LIMCH1: variants seen among roughly 807,000 people sequenced by gnomAD.
LIMCH1 encodes the protein LIM and calponin homology domains-containing protein 1.
A neutral mutation model predicts 176.5 loss-of-function variants in LIMCH1; 113 were observed. That is an observed-to-expected ratio of 0.64 (90% CI 0.55 to 0.75). The LOEUF is 0.75. Ranked by LOEUF, LIMCH1 falls within the 30% of genes least tolerant of loss-of-function variation. The pLI is 0.00. For synonymous variants in LIMCH1, 619 were observed against 645.9 expected (o/e 0.96, Z 0.63); for missense variants, 1,674 against 1,814.9 (o/e 0.92, Z 1.41).
chr4:41,626,601 A>G, intron 7 of LIMCH1, 107 bp from the exon 8 acceptor site: 1 of 887,378 alleles, frequency 1.1e-6, no homozygotes, highest in Non-Finnish European at 1.7e-6. Context: ...TGAACTAACA[A>G]TATCGAGAAG....
In LIMCH1 at chr4:41,697,346, A is replaced by G. The variant is rs1435935563; in HGVS notation, c.*161A>G. 3 of 504,828 alleles carry G rather than the reference A, an allele frequency of 5.9e-6. No homozygotes were observed. The highest frequency in any genetic ancestry group is 1.1e-5 in the Non-Finnish European group (3 of 285,528). The allele number at this position is 504,828 out of a possible 1,614,324, so 31.3% of individuals were successfully genotyped here. A position where few individuals can be genotyped will look rare whatever the true frequency, so the allele number is the denominator to read the frequency against. On this transcript the variant is annotated 3_prime_UTR_variant, in exon 32 of 32. Transcript: ENST00000503057. ...TCTGTTCTTTCGTAGCACAGTGTTT[A>G]TGTTTTTCCTGTTTATTGTTTTGGT...
At chr4:41,471,334 G>C (rs1350262864) in intron 1 of LIMCH1, among the ~76,000 whole-genome samples, 1 of 152,182 alleles carries the variant, frequency 6.6e-6, no homozygotes, top group Admixed American at 6.5e-5. Flanking sequence ...GACTCACCTT[G>C]AACTGATTTT....
At chr4:41,669,772 G>T (rs1469307232) in intron 21 of LIMCH1, among the ~76,000 whole-genome samples, 1 of 152,192 alleles carries the variant, frequency 6.6e-6, no homozygotes, top group African/African-American at 2.4e-5. Context: ...ATGGGGAAAT[G>T]GGGGAGGCAT....
At chr4:41,560,236 T>G (rs1318552483) in intron 1 of LIMCH1, among the ~76,000 whole-genome samples, 2 of 152,122 alleles carry the variant, frequency 1.3e-5, no homozygotes, top group African/African-American at 4.8e-5. Flanking sequence ...AAGTCCACAC[T>G]CTCTCACACA....
chr4:41,479,773 G>T lies in LIMCH1; in HGVS notation c.97-14763G>T, dbSNP rs1254912869. On this transcript the variant is annotated intron_variant, in intron 1 of 26. Transcript: ENST00000313860. ...CATGACATCAACTTTTTGAAGTCCA[G>T]TTCTCTTATACAATGTGTCATTTTT... is the stretch of plus-strand genomic sequence containing the variant. Among the ~76,000 whole-genome samples the T allele has an allele frequency of 2.6e-5, 4 of 152,126 alleles. No individual in the cohort carries two copies. In the East Asian group the frequency reaches 7.7e-4, roughly 29 times the overall value.
At chr4:41,581,146 C>CTATCTATCTATCT (rs5857802) in intron 1 of LIMCH1, among the ~76,000 whole-genome samples, 3,470 of 148,432 alleles carry the variant, frequency 0.023, 63 homozygotes, top group African/African-American at 0.049. Flanking sequence ...ATCTATCTAT[C>CTATCTATCTATCT]ATCTAATCAA....
rs149668957 is a variant in LIMCH1 at position 41,644,595 on chromosome 4, A to G, written c.2222A>G (p.Gln741Arg). ...GAGCAGCTGCAGCTGATAAATAACC[A>G]GCTGAGGGAAGAGGACGACAAATGG... ...RQEQLQLINN[Q>R]LREEDDKWQD... is the part of the protein sequence containing the mutation. The change falls in exon 15 of 32, where the codon CAG becomes CGG. Residue 741 changes from glutamine to arginine, a missense_variant. This residue lies in a region of LIMCH1 where 1,015 missense variants were observed against 1,102.5 expected (regional missense o/e 0.92). Coordinates refer to ENST00000503057, the MANE Select transcript of LIMCH1 (RefSeq NM_001330672.2). 10 of 1,612,268 alleles carry G rather than the reference A, an allele frequency of 6.2e-6. No homozygotes were observed. Among genetic ancestry groups the G allele is most frequent in the Admixed American group, 1.7e-5 (1 of 59,820 alleles).
chr4:41,403,699 T>G (rs897048699), intron 1 of LIMCH1, among the ~76,000 whole-genome samples: 1 of 152,232 alleles, frequency 6.6e-6, no homozygotes, highest in Non-Finnish European at 1.5e-5. Flanking sequence ...CATTTTTCAA[T>G]CCAATGCATT....
chr4:41,606,174 A>G (rs903898158), intron 4 of LIMCH1, among the ~76,000 whole-genome samples, 170 bp downstream of exon 4: 28 of 152,334 alleles, frequency 1.8e-4, no homozygotes, highest in East Asian at 7.7e-4. Flanking sequence ...TGCCTCATGC[A>G]TGTCACACCT....
rs1016032348 is a variant in LIMCH1, at chr4:41,657,916, G to A, written c.3037-3504G>A. Among the ~76,000 whole-genome samples the A allele has an allele frequency of 1.7e-4, 26 of 152,082 alleles. 1 individual carries two copies. Among genetic ancestry groups the A allele is most frequent in the African/African-American group, 6.3e-4 (26 of 41,410 alleles). On this transcript the variant is annotated intron_variant, in intron 18 of 31. Transcript: ENST00000503057. The stretch of plus-strand genomic sequence containing the variant: ...TAATCTTTTGCAGAATAAATGAGTG[G>A]GAGGTAGAGGAAAGAAAGGGAATGG...
chr4:41,600,843 G>A (rs2089788748), intron 2 of LIMCH1, among the ~76,000 whole-genome samples: 1 of 152,008 alleles, frequency 6.6e-6, no homozygotes, highest in African/African-American at 2.4e-5. Context: ...AATCTAAAGG[G>A]GAAAATGTCA....
Position 41,620,635 on chromosome 4 carries a change from A to G in LIMCH1, c.670A>G (p.Lys224Glu), listed in dbSNP as rs200386915. 53 of 1,536,088 alleles carry G rather than the reference A, an allele frequency of 3.5e-5. No individual in the cohort carries two copies. The highest frequency in any genetic ancestry group is 1.0e-5 in the Non-Finnish European group (12 of 1,146,936). ...AGATGCTGCTGAGATCCAAAAGCGC[A>G]AAAGGCTAGAGCAAGCTGGAATCAA... ...EKDAAEIQKR[K>E]RLEQAGIKVM... The change falls in exon 7 of 32, where the codon AAA becomes GAA. Residue 224 changes from lysine to glutamate, a missense_variant. Around this residue, in one of 3 missense-constraint regions of LIMCH1, gnomAD observed 655 missense variants for 692.2 expected, o/e 0.95. Transcript: ENST00000503057.
At chr4:41,683,847 A>G (rs1718316577) in intron 26 of LIMCH1, among the ~76,000 whole-genome samples, 1 of 152,240 alleles carries the variant, frequency 6.6e-6, no homozygotes, top group African/African-American at 2.4e-5. Context: ...GCTATTTACA[A>G]AATGTACAAA....
At chr4:41,669,177 CT>C (rs1365075576) in intron 21 of LIMCH1, among the ~76,000 whole-genome samples, 1 of 152,164 alleles carries the variant, frequency 6.6e-6, no homozygotes, top group Non-Finnish European at 1.5e-5. Flanking sequence ...CAGATTTCCC[CT>C]AATCTCTAAT....
At chr4:41,636,340 C>CTTTTTTTTTTTTT (rs35828085) in intron 13 of LIMCH1, among the ~76,000 whole-genome samples, 1 of 104,946 alleles carries the variant, frequency 9.5e-6, no homozygotes, top group Admixed American at 1.0e-4. Context: ...TGCTTTATTA[C>CTTTTTTTTTTTTT]TTTTTTTTTT....
In LIMCH1 at chr4:41,644,560, G is replaced by A; in HGVS notation, c.2187G>A (p.Arg729=). 6.2e-7 allele frequency: 1 copy of A among 1,607,616 alleles called. No individual in the cohort carries two copies. Residue 729 remains arginine (R), a synonymous_variant, in exon 15 of 32, where the codon AGG becomes AGA. Coordinates refer to ENST00000503057, the MANE Select transcript of LIMCH1 (RefSeq NM_001330672.2). ...EEEAAVQPHS[R]ARQEQLQLIN... ...AGGCCGCGGTGCAGCCGCACAGCAG[G>A]GCCCGCCAGGAGCAGCTGCAGCTGA...
At chr4:41,366,866 A>G (rs1050424376) in intron 1 of LIMCH1, among the ~76,000 whole-genome samples, 1 of 152,206 alleles carries the variant, frequency 6.6e-6, no homozygotes, top group African/African-American at 2.4e-5. Flanking sequence ...ACTGCCATAA[A>G]GATACGACCT....
chr4:41,387,261 C>T (rs917505100), intron 1 of LIMCH1, among the ~76,000 whole-genome samples: 1 of 152,050 alleles, frequency 6.6e-6, no homozygotes, highest in African/African-American at 2.4e-5. Flanking sequence ...ATGTACATTC[C>T]ACTCATAATC....
chr4:41,589,541 G>A (rs185872200), intron 1 of LIMCH1, among the ~76,000 whole-genome samples: 14 of 152,300 alleles, frequency 9.2e-5, no homozygotes, highest in South Asian at 2.1e-4. Flanking sequence ...GTGTGGTGGT[G>A]TGGCATTTGA....
Sources: allele counts gnomAD v4.1 joint callset (sites outside exome capture counted in the v4.1 genomes callset), GRCh38; gene constraint gnomAD v4.1.1; regional missense constraint gnomAD v4.1.1; transcripts MANE v1.5; gene names NCBI Gene and HGNC (gene_info 2026-07-23, HGNC 2026-07-21).